Variants in USH2A observed in about 807,000 individuals in gnomAD.
USH2A encodes Usher syndrome 2A (autosomal recessive, mild).
USH2A carries 443 observed loss-of-function variants against 538.9 expected under a neutral mutation model. The observed-to-expected ratio is 0.82, with a 90% CI of 0.76 to 0.89. USH2A has a LOEUF of 0.89. Ranked by LOEUF, USH2A falls within the 40% of genes least tolerant of loss-of-function variation. The probability of loss-of-function intolerance (pLI) is 0.00; values close to 1 mark genes in which losing one functional copy is unlikely to be tolerated. For missense variants in USH2A, 6,633 were observed against 6,324.8 expected, an observed-to-expected ratio of 1.05 and a Z score of -1.65; for synonymous variants, 2,413 against 2,273.5, an observed-to-expected ratio of 1.06 and a Z score of -1.75.
At chr1:216,353,959 C>T (rs1004498225) in intron 4 of USH2A, among the ~76,000 whole-genome samples, 1 of 152,070 alleles carries the variant, frequency 6.6e-6, no homozygotes, top group African/African-American at 2.4e-5. Flanking sequence ...CAGGGCTACT[C>T]CCATACTTAG....
intron 55 of USH2A, among the ~76,000 whole-genome samples, chr1:215,774,113 G>C (rs984942140): frequency 1.1e-4 from 16 of 152,004 alleles, no homozygotes; most frequent in African/African-American, 3.4e-4. Flanking sequence ...CATGCTTTAT[G>C]AATTCAGTTG....
intron 35 of USH2A, among the ~76,000 whole-genome samples, chr1:215,988,961 A>G (rs1378831705): frequency 3.9e-5 from 6 of 152,226 alleles, no homozygotes; most frequent in Admixed American, 3.3e-4. Flanking sequence ...TTTCACGAGT[A>G]GGAGATGATC....
intron 13 of USH2A, among the ~76,000 whole-genome samples, chr1:216,240,013 C>CAAAAAAAAAAAAAAAAA (rs55691066): frequency 1.7e-4 from 19 of 112,270 alleles, no homozygotes; most frequent in Middle Eastern, 4.7e-3. Flanking sequence ...ATGAAATAAA[C>CAAAAAAAAAAAAAAAAA]AAAAAAAAAA....
At position 216,207,319 on chromosome 1, in the gene USH2A, G is replaced by T; in HGVS notation, c.3270C>A (p.Leu1090=). The T allele has an allele frequency of 6.2e-7, 1 of 1,611,236 alleles. No homozygotes were observed. The highest frequency in any genetic ancestry group is 2.2e-5 in the East Asian group (1 of 44,658). Residue 1090 remains leucine (L), a synonymous_variant, in exon 16 of 72, where the codon CTC becomes CTA. Transcript: ENST00000307340. The stretch of plus-strand genomic sequence containing the variant: ...TTGTGTAGATTTCAAAACCATCCCT[G>T]AGTAAACTGTAAGTAAGCCAGTGGG... ...PNAHWLTYSL[L]RDGFEIYTTE...
intron 21 of USH2A, among the ~76,000 whole-genome samples, chr1:216,108,300 A>G (rs1263528596): frequency 6.6e-6 from 1 of 151,776 alleles, no homozygotes; most frequent in Non-Finnish European, 1.5e-5. Context: ...TCTAGCCTCA[A>G]TTATTTTTGA....
chr1:215,779,876 C>G lies in USH2A; in HGVS notation c.10906G>C (p.Asp3636His). The change falls in exon 55 of 72, where the codon GAC becomes CAC. Residue 3636 changes from aspartate to histidine, a missense_variant. Transcript: ENST00000307340. The part of the protein sequence containing the change: ...RQVGKGLIHT[D>H]TTDRRQHTVT... ...GTATGCTGTCTCCTGTCAGTGGTGTCAGTGTGGATGAGACCTTTCCCAACC... is the reference window on the plus strand; with the variant it reads ...GTATGCTGTCTCCTGTCAGTGGTGTGAGTGTGGATGAGACCTTTCCCAACC... 1.2e-6 allele frequency: 2 copies of G among 1,614,032 alleles called. No individual in the cohort carries two copies. Among genetic ancestry groups the G allele is most frequent in the Non-Finnish European group, 1.7e-6 (2 of 1,180,028 alleles).
chr1:215,760,204 T>C (rs1009177062), intron 56 of USH2A, among the ~76,000 whole-genome samples: 2 of 152,150 alleles, frequency 1.3e-5, no homozygotes, highest in Non-Finnish European at 2.9e-5. Context: ...TGTACCTGAA[T>C]TATACAATTC....
intron 20 of USH2A, among the ~76,000 whole-genome samples, chr1:216,176,051 T>C (rs1202847705): frequency 1.3e-5 from 2 of 152,216 alleles, no homozygotes; most frequent in African/African-American, 4.8e-5. Context: ...AGGCAAAGCA[T>C]AATCCGTGCC....
At chr1:215,794,173 G>A (rs948024897) in intron 50 of USH2A, among the ~76,000 whole-genome samples, 7 of 152,148 alleles carry the variant, frequency 4.6e-5, no homozygotes, top group Non-Finnish European at 1.0e-4. Context: ...CAGCACTTCT[G>A]TTCCAACAGC....
intron 37 of USH2A, among the ~76,000 whole-genome samples, chr1:215,963,305 A>G (rs556692703): frequency 2.2e-4 from 33 of 152,218 alleles, no homozygotes; most frequent in African/African-American, 6.5e-4. Flanking sequence ...ACAAGACAAT[A>G]TTCAAAATCC....
At chr1:216,282,299 C>T (rs2036798301) in intron 11 of USH2A, among the ~76,000 whole-genome samples, 1 of 152,126 alleles carries the variant, frequency 6.6e-6, no homozygotes, top group African/African-American at 2.4e-5. Context: ...AAGCCACTGG[C>T]TAATCCGAGG....
intron 37 of USH2A, among the ~76,000 whole-genome samples, chr1:215,946,298 A>G (rs1001129570): frequency 6.6e-6 from 1 of 152,212 alleles, no homozygotes; most frequent in Non-Finnish European, 1.5e-5. Context: ...TTTTCTCAAT[A>G]TAGGTGTTCT....
rs182777288 is a variant in USH2A, at chr1:216,065,515, G to T, written c.6049+4586C>A. ...TTTTTAAAAAATGACAAAACTGGGG[G>T]AGTTGCATTAGATGAGATAAACATG... On this transcript the variant is annotated intron_variant, in intron 30 of 71. Coordinates refer to ENST00000307340, the MANE Select transcript of USH2A (RefSeq NM_206933.4). 5.5e-4 allele frequency among the ~76,000 whole-genome samples: 83 copies of T among 152,230 alleles called. 1 individual carries two copies. The highest frequency in any genetic ancestry group is 3.8e-3 in the Admixed American group (58 of 15,288).
At chr1:215,640,142 AGTT>A (rs1271639551) in intron 68 of USH2A, among the ~76,000 whole-genome samples, 1 of 152,158 alleles carries the variant, frequency 6.6e-6, no homozygotes, top group Non-Finnish European at 1.5e-5. Flanking sequence ...GGTCCTCATG[AGTT>A]GGAGATAGTT....
At chr1:216,419,705 A>G (rs1293946699) in intron 2 of USH2A, among the ~76,000 whole-genome samples, 3 of 152,288 alleles carry the variant, frequency 2.0e-5, no homozygotes, top group African/African-American at 7.2e-5. Flanking sequence ...CTCTCAAAAA[A>G]TGATGAGTTT....
At position 216,254,494 on chromosome 1, in the gene USH2A, A is replaced by C. The variant is rs79271719; in HGVS notation, c.1972-3396T>G. On this transcript the variant is annotated intron_variant, in intron 11 of 71. Coordinates refer to ENST00000307340, the MANE Select transcript of USH2A (RefSeq NM_206933.4). ...TTGACCTATTGGTTTTCTTCGGCCA[A>C]ATACTAGCACATATAATGCTTGCAA... Among the ~76,000 whole-genome samples, 1,400 of 152,308 alleles carry C rather than the reference A, an allele frequency of 9.2e-3. 18 individuals are homozygous for C. The highest frequency in any genetic ancestry group is 0.033 in the African/African-American group (1,356 of 41,580).
chr1:215,721,808 A>C (rs968873460), intron 61 of USH2A, among the ~76,000 whole-genome samples: 3 of 152,204 alleles, frequency 2.0e-5, no homozygotes, highest in Non-Finnish European at 4.4e-5. Context: ...TCAAGCCTGT[A>C]ATTCCAACAC....
chr1:215,857,457 T>G (rs1437789197), intron 44 of USH2A, among the ~76,000 whole-genome samples: 1 of 152,182 alleles, frequency 6.6e-6, no homozygotes, highest in Non-Finnish European at 1.5e-5. Context: ...TATGGTAGCC[T>G]TAAGCCAGAA....
intron 61 of USH2A, among the ~76,000 whole-genome samples, chr1:215,688,761 C>G (rs776597581): frequency 6.6e-6 from 1 of 152,028 alleles, no homozygotes; most frequent in Non-Finnish European, 1.5e-5. Context: ...TCTTTATGAC[C>G]TTACTTAAGC....
Sources: gnomAD v4.1 joint callset for allele counts (sites outside exome capture counted in the v4.1 genomes callset) on GRCh38, gnomAD v4.1.1 for gene constraint, MANE v1.5 for transcripts, NCBI Gene and HGNC (gene_info 2026-07-23, HGNC 2026-07-21) for gene names.